FILIP1: variants seen among roughly 807,000 people sequenced by gnomAD.
FILIP1 encodes filamin-A-interacting protein 1.
A neutral mutation model predicts 102.1 loss-of-function variants in FILIP1; 61 were observed. The observed-to-expected ratio is 0.60, with a 90% confidence interval of 0.49 to 0.74. The LOEUF (loss-of-function observed/expected upper bound fraction) is 0.74, where lower values mean the gene tolerates loss of function less well. Among genes scored for constraint, FILIP1 ranks in the 30% least tolerant of loss-of-function variants. FILIP1 has a pLI of 0.00. For synonymous variants in FILIP1, 491 were observed against 526.9 expected (o/e 0.93, Z 0.93); for missense variants, 1,314 against 1,441.2 (o/e 0.91, Z 1.43).
At chr6:75,335,094 T>C (rs1774199126) in intron 4 of FILIP1, among the ~76,000 whole-genome samples, 2 of 152,134 alleles carry the variant, frequency 1.3e-5, no homozygotes, top group South Asian at 4.1e-4. Flanking sequence ...CTCTATACAG[T>C]TCTATTCAGC....
Position 75,362,763 on chromosome 6 carries a change from T to C in FILIP1, c.431A>G (p.Tyr144Cys). The C allele has an allele frequency of 1.2e-6, 2 of 1,613,618 alleles. No individual in the cohort carries two copies. Among genetic ancestry groups the C allele is most frequent in the Non-Finnish European group, 1.7e-6 (2 of 1,179,954 alleles). The change falls in exon 3 of 6, where the codon TAT becomes TGT. Residue 144 changes from tyrosine (Y) to cysteine (C), a missense_variant. Transcript: ENST00000237172. ...TTTTACCTCTGAAATCGGTTTCTCA[T>C]AGACATCTTCTCCTATGGATTTCTC... ...AQEKSIGEDV[Y>C]EKPISELDRL...
chr6:75,371,995 G>C (rs1276386717), intron 2 of FILIP1, among the ~76,000 whole-genome samples: 2 of 152,084 alleles, frequency 1.3e-5, no homozygotes, highest in East Asian at 3.8e-4. Flanking sequence ...TTGCATCAGA[G>C]AACACAATCA....
At chr6:75,376,703 C>T (rs962576548) in intron 2 of FILIP1, among the ~76,000 whole-genome samples, 4 of 152,142 alleles carry the variant, frequency 2.6e-5, no homozygotes, top group Admixed American at 1.3e-4. Context: ...AAGACTAAGA[C>T]ATTTTTTTCT....
chr6:75,484,714 G>A (rs1488060006), intron 1 of FILIP1, among the ~76,000 whole-genome samples: 1 of 152,128 alleles, frequency 6.6e-6, no homozygotes, highest in Non-Finnish European at 1.5e-5. Context: ...AGAGTCTAGA[G>A]GTTTCCACTC....
chr6:75,365,397 G>A (rs1380839260), intron 2 of FILIP1, among the ~76,000 whole-genome samples: 1 of 152,034 alleles, frequency 6.6e-6, no homozygotes, highest in African/African-American at 2.4e-5. Flanking sequence ...TTGAGACAGA[G>A]TCTCAGTCTG....
chr6:75,488,239 G>C (rs564878221), intron 1 of FILIP1, among the ~76,000 whole-genome samples: 27 of 152,204 alleles, frequency 1.8e-4, no homozygotes, highest in African/African-American at 5.8e-4. Context: ...TCTGTGCTGG[G>C]AGTTTCTCAA....
intron 2 of FILIP1, among the ~76,000 whole-genome samples, chr6:75,375,967 T>G (rs146771974): frequency 6.6e-6 from 1 of 152,228 alleles, no homozygotes; most frequent in African/African-American, 2.4e-5. Context: ...AGAGTTAGTA[T>G]GCTAAATATT....
At chr6:75,466,940 GAT>G (rs1392952890) in intron 1 of FILIP1, among the ~76,000 whole-genome samples, 1 of 152,142 alleles carries the variant, frequency 6.6e-6, no homozygotes, top group Non-Finnish European at 1.5e-5. Flanking sequence ...CTTTCCCTAG[GAT>G]ATCCAAGGCA....
At chr6:75,306,255 G>C (rs1319972505), downstream of FILIP1, among the ~76,000 whole-genome samples, 1 of 152,050 alleles carries the variant, frequency 6.6e-6, no homozygotes, top group African/African-American at 2.4e-5. Context: ...CCAATATCTA[G>C]ATGTATAAAC....
chr6:75,385,014 GTCTGGAACTCCTGGCCTCAAGCAA>G, intron 2 of FILIP1: 1 of 147,610 alleles, frequency 6.8e-6, no homozygotes, highest in Non-Finnish European at 1.5e-5. Context: ...TTTCAGGTTG[GTCTGGAACTCCTGGCCTCAAGCAA>G]TCTGCCCACC....
intron 6 of FILIP1, among the ~76,000 whole-genome samples, chr6:75,302,332 G>T (rs1257957884): frequency 6.6e-6 from 1 of 152,060 alleles, no homozygotes; most frequent in African/African-American, 2.4e-5. Flanking sequence ...TTCCTTCCAC[G>T]TCATTCTCAC....
chr6:75,474,224 A>G (rs1490609938), intron 1 of FILIP1, among the ~76,000 whole-genome samples: 1 of 152,142 alleles, frequency 6.6e-6, no homozygotes, highest in East Asian at 1.9e-4. Context: ...TATTTTATTA[A>G]TATCATTTAC....
chr6:75,342,399 G>A (rs189838990), intron 4 of FILIP1, among the ~76,000 whole-genome samples: 63 of 152,278 alleles, frequency 4.1e-4, no homozygotes, highest in African/African-American at 1.5e-3. Flanking sequence ...CTAATTGCAG[G>A]CCTCACACTC....
chr6:75,368,414 C>T lies in FILIP1; in HGVS notation c.277-5497G>A, dbSNP rs569239198. On this transcript the variant is annotated intron_variant, in intron 2 of 5. Transcript: ENST00000237172. ...CAATCACTCCTTCAATAAATATTTGCACACATTTACTTTGTGCAATGCATT... is the reference window on the plus strand; with the variant it reads ...CAATCACTCCTTCAATAAATATTTGTACACATTTACTTTGTGCAATGCATT... Among the ~76,000 whole-genome samples, 3 of 152,290 alleles carry T rather than the reference C, an allele frequency of 2.0e-5. No individual in the cohort carries two copies. The South Asian group carries it at 6.2e-4, about 32-fold the overall frequency.
intron 4 of FILIP1, among the ~76,000 whole-genome samples, chr6:75,347,294 T>A (rs979078846): frequency 6.6e-6 from 1 of 152,222 alleles, no homozygotes; most frequent in Non-Finnish European, 1.5e-5. Flanking sequence ...TAATTACATA[T>A]CTTATAGTTT....
At chr6:75,330,725 A>G (rs959294753) in intron 4 of FILIP1, among the ~76,000 whole-genome samples, 1 of 152,228 alleles carries the variant, frequency 6.6e-6, no homozygotes, top group Non-Finnish European at 1.5e-5. Context: ...AAGTAATTCA[A>G]ATGGCAAACA....
At chr6:75,468,218 T>C (rs1779226801) in intron 1 of FILIP1, among the ~76,000 whole-genome samples, 1 of 152,100 alleles carries the variant, frequency 6.6e-6, no homozygotes, top group Non-Finnish European at 1.5e-5. Context: ...CCGGAGCACA[T>C]AGAACAAAGA....
intron 1 of FILIP1, among the ~76,000 whole-genome samples, chr6:75,432,493 T>C (rs544790039): frequency 1.3e-5 from 2 of 152,328 alleles, no homozygotes; most frequent in South Asian, 2.1e-4. Context: ...TTTTTGCCTA[T>C]GCTAGCTGAT....
chr6:75,406,978 T>C (rs747235834), intron 2 of FILIP1, among the ~76,000 whole-genome samples: 1 of 152,030 alleles, frequency 6.6e-6, no homozygotes, highest in African/African-American at 2.4e-5. Context: ...TTCTTAAATA[T>C]TGTAAGATCA....
Sources: gnomAD v4.1 joint callset for allele counts (sites outside exome capture counted in the v4.1 genomes callset) on GRCh38, gnomAD v4.1.1 for gene constraint, MANE v1.5 for transcripts, NCBI Gene and HGNC (gene_info 2026-07-23, HGNC 2026-07-21) for gene names.